SLC24A3: variants seen among roughly 807,000 people sequenced by gnomAD.
SLC24A3 encodes sodium/potassium/calcium exchanger 3.
A neutral mutation model predicts 75.8 loss-of-function variants in SLC24A3; 28 were observed. The ratio of observed to expected loss-of-function variants is 0.37; its 90% confidence interval spans 0.27 to 0.51. The LOEUF is 0.51. SLC24A3 is among the 20% of genes least tolerant of loss of function. The pLI is 0.94. For missense variants in SLC24A3, 663 were observed against 847.8 expected (o/e 0.78, Z 2.71); for synonymous variants, 372 against 334.1 (o/e 1.11, Z -1.24).
At chr20:19,677,686 C>CTTTTTTTTTTTTTTTTTTTTTT (rs796484728) in intron 9 of SLC24A3, among the ~76,000 whole-genome samples, 9 of 113,958 alleles carry the variant, frequency 7.9e-5, no homozygotes, top group African/African-American at 1.0e-4. Context: ...TTTTTTTTTT[C>CTTTTTTTTTTTTTTTTTTTTTT]TTTTTTTTTT....
At chr20:19,272,657 C>T (rs902704338) in intron 1 of SLC24A3, among the ~76,000 whole-genome samples, 1 of 152,178 alleles carries the variant, frequency 6.6e-6, no homozygotes, top group African/African-American at 2.4e-5. Flanking sequence ...AAACTTAATC[C>T]CCAGGTCAAG....
At chr20:19,291,575 G>C (rs1568580625) in intron 2 of SLC24A3, among the ~76,000 whole-genome samples, 1 of 152,368 alleles carries the variant, frequency 6.6e-6, no homozygotes, top group Middle Eastern at 3.4e-3. Flanking sequence ...GTTCCTGATA[G>C]AGTGTGACTC....
Position 19,340,317 on chromosome 20 carries a change from A to G in SLC24A3, c.271+59230A>G, listed in dbSNP as rs748196586. The stretch of plus-strand genomic sequence containing the variant: ...GGGAGGCTGTGCCTGCAAGATGAGG[A>G]AAACCAAAGCTTAGCAGCAAACCAT... On this transcript the variant is annotated intron_variant, in intron 2 of 16. Coordinates refer to ENST00000328041, the MANE Select transcript of SLC24A3 (RefSeq NM_020689.4). 2.3e-4 allele frequency among the ~76,000 whole-genome samples: 35 copies of G among 152,196 alleles called. 1 individual carries two copies. The highest frequency in any genetic ancestry group is 1.5e-4 in the Non-Finnish European group (10 of 68,044).
intron 3 of SLC24A3, among the ~76,000 whole-genome samples, chr20:19,530,418 G>A (rs1254757468): frequency 1.3e-5 from 2 of 152,220 alleles, no homozygotes; most frequent in Non-Finnish European, 2.9e-5. Flanking sequence ...AAAGGAGGGA[G>A]AATCTGGGTG....
chr20:19,581,547 A>T (rs1209468474), intron 4 of SLC24A3, among the ~76,000 whole-genome samples: 1 of 152,280 alleles, frequency 6.6e-6, no homozygotes, highest in South Asian at 2.1e-4. Context: ...TTATAAGGAG[A>T]GGAAAAGGAA....
chr20:19,685,510 A>G, intron 12 of SLC24A3, 149 bp downstream of exon 12: 1 of 1,325,476 alleles, frequency 7.5e-7, no homozygotes, highest in Non-Finnish European at 1.0e-6. Flanking sequence ...TTTGGGCAGG[A>G]CTTTGTTGTA....
At chr20:19,692,397 T>C (rs1427145829) in intron 12 of SLC24A3, among the ~76,000 whole-genome samples, 1 of 152,176 alleles carries the variant, frequency 6.6e-6, no homozygotes, top group African/African-American at 2.4e-5. Context: ...CACCGCCATA[T>C]GGATAACAAA....
At chr20:19,715,544 GA>G (rs761295323) in intron 15 of SLC24A3, among the ~76,000 whole-genome samples, 2 of 152,220 alleles carry the variant, frequency 1.3e-5, no homozygotes, top group African/African-American at 2.4e-5. Context: ...AGTCACGAGA[GA>G]AAGAGTCCAG....
At chr20:19,379,549 G>A (rs1175663661) in intron 2 of SLC24A3, among the ~76,000 whole-genome samples, 1 of 152,202 alleles carries the variant, frequency 6.6e-6, no homozygotes, top group Admixed American at 6.5e-5. Context: ...TGATCCTGGG[G>A]AAGGACTGTC....
chr20:19,329,764 G>C (rs1378167134), intron 2 of SLC24A3, among the ~76,000 whole-genome samples: 2 of 152,204 alleles, frequency 1.3e-5, no homozygotes, highest in African/African-American at 4.8e-5. Context: ...GAGTTAGTTT[G>C]TGGTTGAAAA....
intron 2 of SLC24A3, among the ~76,000 whole-genome samples, chr20:19,459,551 T>C (rs1302429803): frequency 6.6e-6 from 1 of 152,236 alleles, no homozygotes; most frequent in Non-Finnish European, 1.5e-5. Context: ...TTTCATTGCA[T>C]AGACTGTATT....
intron 2 of SLC24A3, among the ~76,000 whole-genome samples, chr20:19,288,458 G>A (rs1436848976): frequency 1.3e-5 from 2 of 152,208 alleles, no homozygotes; most frequent in African/African-American, 2.4e-5. Context: ...CTAATTTGGT[G>A]AGTGGTGTCT....
At chr20:19,586,396 A>T (rs2031296424) in intron 6 of SLC24A3, among the ~76,000 whole-genome samples, 1 of 152,132 alleles carries the variant, frequency 6.6e-6, no homozygotes, top group Non-Finnish European at 1.5e-5. Flanking sequence ...CATGGAGGCT[A>T]CTCCACTTAC....
chr20:19,638,899 CAGTG>C (rs2032032813), intron 6 of SLC24A3, among the ~76,000 whole-genome samples: 1 of 152,088 alleles, frequency 6.6e-6, no homozygotes, highest in South Asian at 2.1e-4. Context: ...CAGACCTTCG[CAGTG>C]AGTATTACAG....
At chr20:19,521,092 T>C (rs971071870) in intron 3 of SLC24A3, among the ~76,000 whole-genome samples, 2 of 152,086 alleles carry the variant, frequency 1.3e-5, no homozygotes, top group African/African-American at 4.8e-5. Flanking sequence ...CCTAGCAGAG[T>C]ACCTAGGTGA....
intron 2 of SLC24A3, among the ~76,000 whole-genome samples, chr20:19,300,488 G>A (rs1251188194): frequency 6.6e-6 from 1 of 152,144 alleles, no homozygotes; most frequent in Non-Finnish European, 1.5e-5. Context: ...CCTAACTGAG[G>A]CTAGTCACAC....
chr20:19,530,122 A>T (rs1020435120), intron 3 of SLC24A3, among the ~76,000 whole-genome samples: 6 of 152,018 alleles, frequency 3.9e-5, no homozygotes, highest in African/African-American at 1.4e-4. Flanking sequence ...AGGAAGTAAA[A>T]AGCTCCTCTG....
intron 2 of SLC24A3, among the ~76,000 whole-genome samples, chr20:19,325,793 TATAGAGAGAGAGAGAG>T (rs1984839854): frequency 4.8e-5 from 4 of 82,804 alleles, no homozygotes; most frequent in African/African-American, 1.9e-4. Context: ...TATATATATA[TATAGAGAGAGAGAGAG>T]AGAGAGAGAG....
chr20:19,660,515 T>C (rs1015938211), intron 7 of SLC24A3, among the ~76,000 whole-genome samples: 1 of 152,248 alleles, frequency 6.6e-6, no homozygotes, highest in African/African-American at 2.4e-5. Context: ...ATATAAACCA[T>C]ATTTTCCTTA....
Sources: gnomAD v4.1 joint callset for allele counts (sites outside exome capture counted in the v4.1 genomes callset) on GRCh38, gnomAD v4.1.1 for gene constraint, MANE v1.5 for transcripts, NCBI Gene and HGNC (gene_info 2026-07-23, HGNC 2026-07-21) for gene names.